The following SEPTIN14 variants were observed in gnomAD, a reference collection of about 807,000 sequenced individuals.
The protein encoded by SEPTIN14 is septin 14.
Under a neutral mutation model 53.6 loss-of-function variants are expected in SEPTIN14, and 40 were observed. That is an observed-to-expected ratio of 0.75 (90% CI 0.58 to 0.97). The LOEUF (loss-of-function observed/expected upper bound fraction) is 0.97. Among genes scored for constraint, SEPTIN14 ranks in the 50% least tolerant of loss-of-function variants. The pLI, the probability that SEPTIN14 is intolerant of heterozygous loss-of-function variation, is 0.00. For missense variants in SEPTIN14, 471 were observed against 508.2 expected (o/e 0.93, Z 0.70); for synonymous variants, 138 against 166.8 (o/e 0.83, Z 1.33).
chr7:55,841,714 G>T, intron 5 of SEPTIN14, among the ~76,000 whole-genome samples: 1 of 152,112 alleles, frequency 6.6e-6, no homozygotes, highest in East Asian at 1.9e-4. Context: ...AATTAGCCAG[G>T]CATGGTGGCA....
At chr7:55,859,570 G>A (rs1789707046) in intron 2 of SEPTIN14, among the ~76,000 whole-genome samples, 1 of 152,044 alleles carries the variant, frequency 6.6e-6, no homozygotes, top group African/African-American at 2.4e-5. Context: ...TTTTTTAATA[G>A]CTAAGATATG....
At chr7:55,811,663 G>T (rs982073716) in intron 7 of SEPTIN14, among the ~76,000 whole-genome samples, 2 of 150,936 alleles carry the variant, frequency 1.3e-5, no homozygotes, top group Non-Finnish European at 3.0e-5. Context: ...CACCACGCCT[G>T]GTTTTTCTGT....
At chr7:55,848,639 C>G (rs1789465592) in intron 2 of SEPTIN14, among the ~76,000 whole-genome samples, 1 of 138,380 alleles carries the variant, frequency 7.2e-6, no homozygotes, top group African/African-American at 2.8e-5. Context: ...GAGACGGAGT[C>G]TCGCTCTGTC....
chr7:55,838,399 G>A (rs977463907), intron 5 of SEPTIN14, among the ~76,000 whole-genome samples: 6 of 152,068 alleles, frequency 3.9e-5, no homozygotes, highest in African/African-American at 7.2e-5. Flanking sequence ...GTATCATATA[G>A]TAAATTTTAT....
chr7:55,806,954 TAACA>T (rs1290872778), intron 8 of SEPTIN14, 132 bp downstream of exon 8: 1 of 581,338 alleles, frequency 1.7e-6, no homozygotes, highest in African/African-American at 1.9e-5. Context: ...TAAAAACACC[TAACA>T]TTCAGGTGTT....
intron 6 of SEPTIN14, among the ~76,000 whole-genome samples, chr7:55,821,172 A>T (rs566598848): frequency 1.3e-5 from 2 of 152,166 alleles, no homozygotes; most frequent in African/African-American, 4.8e-5. Context: ...ACCACTCAAG[A>T]CCTACTTGTG....
chr7:55,819,278 T>C, intron 6 of SEPTIN14, 55 bp from the exon 7 acceptor site: 1 of 1,200,628 alleles, frequency 8.3e-7, no homozygotes, highest in Non-Finnish European at 1.2e-6. Flanking sequence ...GAGCTTACTC[T>C]ATTACTCTCA....
intron 6 of SEPTIN14, among the ~76,000 whole-genome samples, chr7:55,826,202 T>C (rs1788984819): frequency 1.3e-5 from 2 of 152,196 alleles, no homozygotes. Flanking sequence ...TCTACTCTTT[T>C]ACCAAATTTC....
chr7:55,853,093 A>G (rs1043736598), intron 2 of SEPTIN14, among the ~76,000 whole-genome samples: 3 of 152,192 alleles, frequency 2.0e-5, no homozygotes, highest in African/African-American at 7.2e-5. Context: ...TGTTGGTGCA[A>G]ATGTGAATTA....
rs149630063 is a variant in SEPTIN14 at position 55,825,377 on chromosome 7, T to C, written c.721-6154A>G. ...AAATGAATAGGTCAAGTACAGGTGATATTTAGGGCAGTGAAACTATGGTGA... is the reference window on the plus strand; with the variant it reads ...AAATGAATAGGTCAAGTACAGGTGACATTTAGGGCAGTGAAACTATGGTGA... On this transcript the variant is annotated intron_variant, in intron 6 of 9. Transcript: ENST00000388975. 2.8e-3 allele frequency among the ~76,000 whole-genome samples: 425 copies of C among 152,288 alleles called. 5 individuals are homozygous for C. The highest frequency in any genetic ancestry group is 0.01 in the Middle Eastern group (3 of 294).
At chr7:55,835,443 C>G (rs1789189182) in intron 5 of SEPTIN14, among the ~76,000 whole-genome samples, 2 of 151,928 alleles carry the variant, frequency 1.3e-5, no homozygotes, top group Non-Finnish European at 2.9e-5. Flanking sequence ...ACCTCGTGAT[C>G]CGCTCGCCTC....
At chr7:55,856,441 G>A (rs1789627280) in intron 2 of SEPTIN14, among the ~76,000 whole-genome samples, 1 of 151,806 alleles carries the variant, frequency 6.6e-6, no homozygotes, top group Admixed American at 6.6e-5. Context: ...ACCCAGGCTG[G>A]AGTGCAGTGG....
intron 5 of SEPTIN14, among the ~76,000 whole-genome samples, chr7:55,841,853 C>CAAAA (rs58433679): frequency 2.7e-5 from 2 of 73,516 alleles, no homozygotes; most frequent in Non-Finnish European, 2.6e-5. Context: ...GAAACTCCGC[C>CAAAA]AAAAAAAAAA....
chr7:55,829,731 G>T, intron 6 of SEPTIN14, among the ~76,000 whole-genome samples: 1 of 132,788 alleles, frequency 7.5e-6, no homozygotes, highest in Non-Finnish European at 1.5e-5. Flanking sequence ...CTCTTCCAGA[G>T]AATTGTTTGA....
intron 8 of SEPTIN14, 75 bp downstream of exon 8, chr7:55,807,015 C>G: frequency 2.9e-6 from 3 of 1,048,496 alleles, no homozygotes; most frequent in Non-Finnish European, 4.0e-6. Flanking sequence ...ATTCTCATAT[C>G]CAAATTATCA....
intron 7 of SEPTIN14, among the ~76,000 whole-genome samples, chr7:55,808,159 T>C (rs1788640368): frequency 6.6e-6 from 1 of 152,172 alleles, no homozygotes. Context: ...CAAATAGACC[T>C]AATGGACATA....
chr7:55,819,014 A>G (rs538590246), intron 7 of SEPTIN14, 113 bp downstream of exon 7: 126 of 652,850 alleles, frequency 1.9e-4, no homozygotes, highest in Non-Finnish European at 3.2e-4. Context: ...GTTAACTTAC[A>G]GATTAGCAAG....
At chr7:55,825,654 A>G (rs1289984189) in intron 6 of SEPTIN14, among the ~76,000 whole-genome samples, 1 of 152,198 alleles carries the variant, frequency 6.6e-6, no homozygotes, top group African/African-American at 2.4e-5. Flanking sequence ...AAAAAAACAT[A>G]AAAGTATTTT....
Position 55,840,288 on chromosome 7 carries a change from A to G in SEPTIN14, c.558+2654T>C, listed in dbSNP as rs375809920. ...TGGATCACCTGAGGTCAAGAGTTCA[A>G]GACCAGCCTGGCCAACATGGTGAAA... On this transcript the variant is annotated intron_variant, in intron 5 of 9. Coordinates refer to ENST00000388975, the MANE Select transcript of SEPTIN14 (RefSeq NM_207366.3). 1.4e-4 allele frequency among the ~76,000 whole-genome samples: 22 copies of G among 151,826 alleles called. No homozygotes were observed. In the East Asian group the frequency reaches 4.1e-3, roughly 28 times the overall value.
Sources: gnomAD v4.1 joint callset for allele counts (sites outside exome capture counted in the v4.1 genomes callset) on GRCh38, gnomAD v4.1.1 for gene constraint, MANE v1.5 for transcripts, NCBI Gene and HGNC (gene_info 2026-07-23, HGNC 2026-07-21) for gene names.